ZNF385D: variants seen among roughly 807,000 people sequenced by gnomAD.
ZNF385D encodes the protein zinc finger protein 659.
ZNF385D carries 15 observed loss-of-function variants against 35.8 expected under a neutral mutation model. The ratio of observed to expected loss-of-function variants is 0.42; its 90% confidence interval spans 0.28 to 0.64. The LOEUF is 0.64. Ranked by LOEUF, ZNF385D falls within the 30% of genes least tolerant of loss-of-function variation. The probability of loss-of-function intolerance (pLI) is 0.23; values close to 1 mark genes in which losing one functional copy is unlikely to be tolerated. For missense variants in ZNF385D, 474 were observed against 494.6 expected (o/e 0.96, Z 0.39); for synonymous variants, 212 against 186.8 (o/e 1.13, Z -1.10).
intron 3 of ZNF385D, among the ~76,000 whole-genome samples, chr3:22,163,826 C>A (rs1215923819): frequency 6.6e-6 from 1 of 152,156 alleles, no homozygotes; most frequent in Non-Finnish European, 1.5e-5. Flanking sequence ...TCAAAGCAAT[C>A]ATTTTGCAAT....
chr3:22,272,995 T>C (rs11916714), intron 2 of ZNF385D, among the ~76,000 whole-genome samples: 247 of 152,044 alleles, frequency 1.6e-3, no homozygotes, highest in African/African-American at 5.7e-3. Flanking sequence ...ATTTCCTAGA[T>C]ATATAGCATG....
chr3:21,532,764 C>A (rs2125538280), intron 3 of ZNF385D, among the ~76,000 whole-genome samples: 1 of 151,450 alleles, frequency 6.6e-6, no homozygotes, highest in South Asian at 2.1e-4. Flanking sequence ...TTCATTTTAG[C>A]ATATATAGAG....
chr3:21,734,390 T>C (rs543772657), intron 1 of ZNF385D, among the ~76,000 whole-genome samples: 6 of 152,204 alleles, frequency 3.9e-5, no homozygotes, highest in East Asian at 3.9e-4. Context: ...ACTTTTATTT[T>C]AGATGGTCAT....
Position 22,300,554 on chromosome 3 carries a change from A to G in ZNF385D, c.106+71896T>C, listed in dbSNP as rs76995531. ...CAAACTATTCATCTGAAAAGAAGTT[A>G]GCACCCAACATATATAACAAACTCA... On this transcript the variant is annotated intron_variant, in intron 2 of 5. Transcript: ENST00000494108. Among the ~76,000 whole-genome samples, 132 of 152,134 alleles carry G rather than the reference A, an allele frequency of 8.7e-4. No homozygotes were observed. In the East Asian group the frequency reaches 0.022, roughly 25 times the overall value.
intron 3 of ZNF385D, among the ~76,000 whole-genome samples, chr3:21,873,919 T>C (rs1357861715): frequency 6.6e-6 from 1 of 152,124 alleles, no homozygotes; most frequent in African/African-American, 2.4e-5. Flanking sequence ...TTCTTGGCTA[T>C]TGTGAATAAT....
At chr3:21,481,686 T>A (rs991164671) in intron 4 of ZNF385D, among the ~76,000 whole-genome samples, 2 of 152,100 alleles carry the variant, frequency 1.3e-5, no homozygotes, top group African/African-American at 4.8e-5. Context: ...CAGCCACCAC[T>A]CCTGGCCTCA....
intron 1 of ZNF385D, among the ~76,000 whole-genome samples, chr3:21,671,552 C>T (rs1459320087): frequency 6.6e-6 from 1 of 152,130 alleles, no homozygotes; most frequent in Non-Finnish European, 1.5e-5. Flanking sequence ...AAAAGCCAAG[C>T]TTCTAGGAAG....
chr3:21,503,199 C>T (rs233167), intron 4 of ZNF385D, among the ~76,000 whole-genome samples: 1 of 152,088 alleles, frequency 6.6e-6, no homozygotes, highest in African/African-American at 2.4e-5. Flanking sequence ...GGAATAGTAG[C>T]GTACATCAGG....
At chr3:21,734,974 C>T (rs993614992) in intron 1 of ZNF385D, among the ~76,000 whole-genome samples, 1 of 152,108 alleles carries the variant, frequency 6.6e-6, no homozygotes, top group African/African-American at 2.4e-5. Context: ...CTCGTGTGGG[C>T]TGCAGTGATT....
chr3:21,573,928 C>T lies in ZNF385D; in HGVS notation c.166-9244G>A, dbSNP rs559317239. On this transcript the variant is annotated intron_variant, in intron 2 of 7. Coordinates refer to ENST00000281523, the MANE Select transcript of ZNF385D (RefSeq NM_024697.3). ...TACAAAAATTAGCTGGGTGTGGTGG[C>T]GGGCGCTTGTAATCCCAGGTACTTG... is the stretch of plus-strand genomic sequence containing the variant. Among the ~76,000 whole-genome samples, 8 of 151,736 alleles carry T rather than the reference C, an allele frequency of 5.3e-5. No individual in the cohort carries two copies. In the East Asian group the frequency reaches 7.8e-4, roughly 15 times the overall value.
chr3:22,120,105 CA>C (rs1293946648), intron 3 of ZNF385D, among the ~76,000 whole-genome samples: 2 of 151,420 alleles, frequency 1.3e-5, no homozygotes, highest in Non-Finnish European at 2.9e-5. Flanking sequence ...ACTAGGATTA[CA>C]GGTGTGATTC....
intron 2 of ZNF385D, among the ~76,000 whole-genome samples, chr3:21,599,916 A>AAATC (rs1575288592): frequency 6.6e-6 from 1 of 152,314 alleles, no homozygotes; most frequent in East Asian, 1.9e-4. Context: ...AAGGCATTCT[A>AAATC]AATCACAGGA....
At chr3:21,922,261 T>A (rs1433667240) in intron 3 of ZNF385D, among the ~76,000 whole-genome samples, 1 of 140,788 alleles carries the variant, frequency 7.1e-6, no homozygotes, top group African/African-American at 2.5e-5. Context: ...ACCAACACCA[T>A]TTTTCACAGA....
At chr3:22,341,898 A>G (rs772131979) in intron 2 of ZNF385D, among the ~76,000 whole-genome samples, 4 of 152,214 alleles carry the variant, frequency 2.6e-5, no homozygotes, top group African/African-American at 4.8e-5. Flanking sequence ...AATTTGAGCT[A>G]TTACTGTTAA....
chr3:21,747,076 C>T (rs2069810995), intron 1 of ZNF385D, among the ~76,000 whole-genome samples: 1 of 148,692 alleles, frequency 6.7e-6, no homozygotes, highest in Non-Finnish European at 1.5e-5. Flanking sequence ...TTAAAAGCTT[C>T]CTCAGTGAGG....
intron 2 of ZNF385D, among the ~76,000 whole-genome samples, chr3:21,602,079 G>A (rs561447857): frequency 2.4e-4 from 37 of 152,274 alleles, no homozygotes; most frequent in South Asian, 4.2e-4. Flanking sequence ...AAGGTGAAGG[G>A]GGAGCAAAGG....
intron 1 of ZNF385D, among the ~76,000 whole-genome samples, chr3:21,722,048 C>A (rs954057726): frequency 1.5e-4 from 22 of 144,586 alleles, no homozygotes; most frequent in African/African-American, 5.4e-4. Context: ...TGCAGTGAGC[C>A]AAGATCGTGC....
intron 3 of ZNF385D, among the ~76,000 whole-genome samples, chr3:21,824,480 T>C (rs1189440642): frequency 6.6e-6 from 1 of 152,214 alleles, no homozygotes; most frequent in Non-Finnish European, 1.5e-5. Flanking sequence ...TATGTCTATA[T>C]GCATATGTAC....
At chr3:21,852,803 A>T (rs544936878) in intron 3 of ZNF385D, among the ~76,000 whole-genome samples, 1 of 152,042 alleles carries the variant, frequency 6.6e-6, no homozygotes, top group South Asian at 2.1e-4. Context: ...AGAAGGGAAG[A>T]CGGATTAGGA....
Sources: allele counts gnomAD v4.1 joint callset (sites outside exome capture counted in the v4.1 genomes callset), GRCh38; gene constraint gnomAD v4.1.1; transcripts MANE v1.5; gene names NCBI Gene and HGNC (gene_info 2026-07-23, HGNC 2026-07-21).